Variants in PCNX1 observed in about 807,000 individuals in gnomAD.
PCNX1 encodes the protein pecanex-like protein 1.
Under a neutral mutation model 242.2 loss-of-function variants are expected in PCNX1, and 78 were observed. The observed-to-expected ratio is 0.32, with a 90% CI of 0.27 to 0.39. The LOEUF (loss-of-function observed/expected upper bound fraction) is 0.39, where lower values mean the gene tolerates loss of function less well. PCNX1 is among the 10% of genes least tolerant of loss of function. The pLI is 1.00. For missense variants in PCNX1, 2,581 were observed against 2,856.5 expected (o/e 0.90, Z 2.20); for synonymous variants, 1,024 against 1,032.9 (o/e 0.99, Z 0.17).
chr14:70,919,501 G>A (rs973667193), intron 1 of PCNX1, among the ~76,000 whole-genome samples: 2 of 152,076 alleles, frequency 1.3e-5, no homozygotes, highest in Non-Finnish European at 2.9e-5. Flanking sequence ...TTTGGCAGGT[G>A]AGTTGAGACA....
intron 10 of PCNX1, chr14:71,012,272 G>C (rs2059840813): frequency 6.5e-6 from 1 of 153,240 alleles, no homozygotes; most frequent in African/African-American, 2.4e-5. Flanking sequence ...ATTTAACACT[G>C]ATAATGAGGT....
At chr14:70,962,124 C>G in intron 2 of PCNX1, 102 bp from the exon 3 acceptor site, 1 of 742,014 alleles carries the variant, frequency 1.3e-6, no homozygotes, top group Admixed American at 2.1e-5. Context: ...ATCAGAACCT[C>G]TTAGTTTTGT....
intron 13 of PCNX1, among the ~76,000 whole-genome samples, chr14:71,024,557 G>A (rs1303785640): frequency 1.3e-5 from 2 of 151,730 alleles, no homozygotes; most frequent in African/African-American, 4.8e-5. Flanking sequence ...TGATGTTTCT[G>A]ATTTGATAAG....
chr14:70,907,818 C>T lies in PCNX1; in HGVS notation c.-33C>T. 1.6e-6 allele frequency: 2 copies of T among 1,239,246 alleles called. No individual in the cohort carries two copies. Among genetic ancestry groups the T allele is most frequent in the Admixed American group, 4.3e-5 (1 of 23,014 alleles). The allele number at this position is 1,239,246 out of a possible 1,614,324, so 76.8% of individuals were successfully genotyped here. A position where few individuals can be genotyped will look rare whatever the true frequency, so the allele number is the denominator to read the frequency against. Reference sequence around the variant, plus strand: ...GGGGCCGGGGCGGGGACGGCGGCGGCGGCGGCGGCGACGGCGGCGGCGCCG... The same window carrying T: ...GGGGCCGGGGCGGGGACGGCGGCGGTGGCGGCGGCGACGGCGGCGGCGCCG... On this transcript the variant is annotated 5_prime_UTR_variant, in exon 1 of 36. Transcript: ENST00000304743.
intron 18 of PCNX1, among the ~76,000 whole-genome samples, chr14:71,034,630 T>C (rs2060479585): frequency 6.6e-6 from 1 of 152,230 alleles, no homozygotes; most frequent in African/African-American, 2.4e-5. Context: ...ATTGTGTCTA[T>C]TTATGGAATA....
chr14:70,917,317 T>A (rs900237340), intron 1 of PCNX1, among the ~76,000 whole-genome samples: 7 of 152,208 alleles, frequency 4.6e-5, no homozygotes, highest in African/African-American at 1.7e-4. Context: ...CTCAGTTTAC[T>A]TCATCCAGAT....
intron 8 of PCNX1, among the ~76,000 whole-genome samples, chr14:71,003,080 C>CCTTTTTTTTTTTTTTTTTTTTTTTTTTT (rs2059552444): frequency 1.0e-5 from 1 of 95,474 alleles, no homozygotes; most frequent in African/African-American, 4.7e-5. Context: ...TGGTTGTCTT[C>CCTTTTTTTTTTTTTTTTTTTTTTTTTTT]TTTTTTTTTT....
At chr14:71,021,208 T>C (rs981098589) in intron 12 of PCNX1, among the ~76,000 whole-genome samples, 5 of 152,186 alleles carry the variant, frequency 3.3e-5, no homozygotes, top group Non-Finnish European at 5.9e-5. Context: ...GCCTCCAGCT[T>C]TATTTTTTTT....
At chr14:71,094,111 A>C (rs183812493) in intron 30 of PCNX1, among the ~76,000 whole-genome samples, 2 of 152,226 alleles carry the variant, frequency 1.3e-5, no homozygotes, top group Non-Finnish European at 2.9e-5. Context: ...TGTCTACATA[A>C]AGACTTAAAC....
chr14:71,006,279 C>T (rs375762621), intron 8 of PCNX1, among the ~76,000 whole-genome samples: 3 of 152,002 alleles, frequency 2.0e-5, no homozygotes, highest in Non-Finnish European at 4.4e-5. Context: ...TGAGCTACTG[C>T]GCCTGGCATA....
intron 1 of PCNX1, among the ~76,000 whole-genome samples, chr14:70,939,764 A>T (rs889107366): frequency 6.6e-6 from 1 of 152,146 alleles, no homozygotes. Context: ...GTGGGAGTCT[A>T]AGTCTCTTTG....
At chr14:71,087,549 A>G (rs2062024212) in intron 28 of PCNX1, among the ~76,000 whole-genome samples, 1 of 152,178 alleles carries the variant, frequency 6.6e-6, no homozygotes. Flanking sequence ...AATCACCTGG[A>G]GAGTGATTGC....
chr14:70,940,155 AT>A (rs1471619327), intron 1 of PCNX1, among the ~76,000 whole-genome samples: 1 of 152,064 alleles, frequency 6.6e-6, no homozygotes, highest in Non-Finnish European at 1.5e-5. Flanking sequence ...GTTATGTGTG[AT>A]TTTGATCCTG....
At chr14:70,990,430 G>T (rs529152710) in intron 7 of PCNX1, among the ~76,000 whole-genome samples, 1 of 151,904 alleles carries the variant, frequency 6.6e-6, no homozygotes, top group East Asian at 1.9e-4. Context: ...TGGGCCTGGT[G>T]GTACGCACCT....
At chr14:70,957,536 A>G (rs984452248) in intron 2 of PCNX1, among the ~76,000 whole-genome samples, 1 of 152,202 alleles carries the variant, frequency 6.6e-6, no homozygotes, top group Non-Finnish European at 1.5e-5. Flanking sequence ...AACATCACAT[A>G]TGATTCCATT....
intron 1 of PCNX1, among the ~76,000 whole-genome samples, chr14:70,938,613 G>A (rs1012772972): frequency 6.6e-6 from 1 of 152,148 alleles, no homozygotes; most frequent in Non-Finnish European, 1.5e-5. Flanking sequence ...GTCTCTGTCC[G>A]ACTTTGGTAT....
At chr14:71,067,165 T>C (rs899750204) in intron 26 of PCNX1, among the ~76,000 whole-genome samples, 2 of 152,190 alleles carry the variant, frequency 1.3e-5, no homozygotes, top group Admixed American at 1.3e-4. Context: ...TTTTATTGTT[T>C]GGAATAGTTT....
intron 1 of PCNX1, among the ~76,000 whole-genome samples, chr14:70,941,232 C>G (rs1280156180): frequency 6.6e-6 from 1 of 152,202 alleles, no homozygotes; most frequent in African/African-American, 2.4e-5. Context: ...TTCATCTTTT[C>G]TGCTCTGGTT....
intron 27 of PCNX1, among the ~76,000 whole-genome samples, chr14:71,075,742 C>G (rs894412559): frequency 6.6e-6 from 1 of 151,924 alleles, no homozygotes; most frequent in Non-Finnish European, 1.5e-5. Context: ...ACTAAAAATA[C>G]AAAAATTTAT....
Sources: allele counts gnomAD v4.1 joint callset (sites outside exome capture counted in the v4.1 genomes callset), GRCh38; gene constraint gnomAD v4.1.1; transcripts MANE v1.5; gene names NCBI Gene and HGNC (gene_info 2026-07-23, HGNC 2026-07-21).